Variants in HIP1 observed in about 807,000 individuals in gnomAD.
HIP1 encodes huntingtin-interacting protein 1.
In HIP1, 65 loss-of-function variants were observed where a neutral mutation model predicts 147.6. The ratio of observed to expected loss-of-function variants is 0.44; its 90% confidence interval spans 0.36 to 0.54. The LOEUF (loss-of-function observed/expected upper bound fraction) is 0.54, where lower values mean the gene tolerates loss of function less well. Among genes scored for constraint, HIP1 ranks in the 20% least tolerant of loss-of-function variants. The pLI, the probability that HIP1 is intolerant of heterozygous loss-of-function variation, is 0.00. For missense variants in HIP1, 1,061 were observed against 1,299.6 expected, an observed-to-expected ratio of 0.82 and a Z score of 2.82; for synonymous variants, 479 against 504.0, an observed-to-expected ratio of 0.95 and a Z score of 0.67.
intron 1 of HIP1, chr7:75,611,900 C>T: frequency 2.0e-6 from 2 of 1,009,374 alleles, no homozygotes; most frequent in Non-Finnish European, 2.4e-6. Context: ...CCCTCCCCAG[C>T]ACTCCCCATC....
intron 7 of HIP1, among the ~76,000 whole-genome samples, chr7:75,578,933 A>G (rs1381331468): frequency 6.6e-6 from 1 of 151,906 alleles, no homozygotes; most frequent in Non-Finnish European, 1.5e-5. Flanking sequence ...CTCCTGCCTC[A>G]GCCATCTGAG....
In HIP1 at chr7:75,545,177, G is replaced by A. The variant is rs782010743; in HGVS notation, c.2571C>T (p.Ser857=). The A allele has an allele frequency of 2.5e-6, 4 of 1,606,182 alleles. No individual in the cohort carries two copies. The highest frequency in any genetic ancestry group is 3.4e-6 in the Non-Finnish European group (4 of 1,173,878). ...EIVESGRGTA[S]PKEFYAKNSR... ...AGTTCTTGGCATAAAACTCTTTAGG[G>A]GATGCTGTACCCTAGGGAAATAAAA... Residue 857 remains serine (S), a synonymous_variant, in exon 26 of 31, where the codon TCC becomes TCT. Coordinates refer to ENST00000336926, the MANE Select transcript of HIP1 (RefSeq NM_005338.7).
chr7:75,619,672 A>G (rs1428639884), intron 1 of HIP1, among the ~76,000 whole-genome samples: 3 of 152,174 alleles, frequency 2.0e-5, no homozygotes, highest in Admixed American at 6.6e-5. Context: ...GTGAATTGCC[A>G]CTAAGGCCAA....
chr7:75,563,508 C>T, intron 9 of HIP1: 1 of 519,524 alleles, frequency 1.9e-6, no homozygotes, highest in South Asian at 2.5e-5. Context: ...AGTAGATAAT[C>T]AAAAAGCTAA....
At chr7:75,723,059 T>C (rs1335260368) in intron 1 of HIP1, among the ~76,000 whole-genome samples, 1 of 152,136 alleles carries the variant, frequency 6.6e-6, no homozygotes, top group Non-Finnish European at 1.5e-5. Context: ...TTATCCTGTA[T>C]TCATTTTCTA....
At chr7:75,695,645 G>A (rs1800612014) in intron 1 of HIP1, among the ~76,000 whole-genome samples, 1 of 151,896 alleles carries the variant, frequency 6.6e-6, no homozygotes, top group East Asian at 1.9e-4. Flanking sequence ...CACAATTTTG[G>A]CTCACTGCAA....
At chr7:75,544,321 C>A (rs56151856) in intron 27 of HIP1, among the ~76,000 whole-genome samples, 1 of 152,074 alleles carries the variant, frequency 6.6e-6, no homozygotes, top group African/African-American at 2.4e-5. Flanking sequence ...ACTATCTAAC[C>A]TAGCCAAGTA....
chr7:75,703,371 C>T (rs1407013396), intron 1 of HIP1, among the ~76,000 whole-genome samples: 3 of 151,456 alleles, frequency 2.0e-5, no homozygotes, highest in Admixed American at 6.6e-5. Context: ...AGCCCAGGTG[C>T]GGTGGTTCAT....
intron 1 of HIP1, among the ~76,000 whole-genome samples, chr7:75,700,516 G>C (rs1280315264): frequency 6.6e-6 from 1 of 152,130 alleles, no homozygotes; most frequent in Non-Finnish European, 1.5e-5. Context: ...TCTCCATGAG[G>C]GTGGGATCTG....
Position 75,573,742 on chromosome 7 carries a change from T to A in HIP1, c.745+19A>T. 6.2e-7 allele frequency: 1 copy of A among 1,609,350 alleles called. No individual in the cohort carries two copies. The highest frequency in any genetic ancestry group is 8.5e-7 in the Non-Finnish European group (1 of 1,176,352). On this transcript the variant is annotated intron_variant, in intron 8 of 30. Transcript: ENST00000336926. ...CTGGCCTGAATCTCATGTAAGAAGA[T>A]CTGGCCCGCGGTACTCACAGGAGTG...
intron 1 of HIP1, among the ~76,000 whole-genome samples, chr7:75,683,372 A>G (rs1554517177): frequency 6.6e-6 from 1 of 151,990 alleles, no homozygotes; most frequent in Non-Finnish European, 1.5e-5. Context: ...GTCCCTTGTG[A>G]CCCCAAAAGG....
At chr7:75,720,419 C>T (rs534104077) in intron 1 of HIP1, among the ~76,000 whole-genome samples, 1 of 152,100 alleles carries the variant, frequency 6.6e-6, no homozygotes, top group Non-Finnish European at 1.5e-5. Flanking sequence ...CGTTGGCCTC[C>T]CAAAGTGCTG....
intron 1 of HIP1, among the ~76,000 whole-genome samples, chr7:75,627,440 C>T (rs782710058): frequency 6.6e-6 from 1 of 152,096 alleles, no homozygotes; most frequent in Non-Finnish European, 1.5e-5. Context: ...AAGGCCTTGA[C>T]CACTCTGAAA....
rs1213550755 is a variant in HIP1 at position 75,716,825 on chromosome 7, TA to T, written c.120+21975del. Among the ~76,000 whole-genome samples the T allele has an allele frequency of 1.6e-3, 211 of 134,148 alleles. 2 individuals are homozygous for T. The highest frequency in any genetic ancestry group is 5.5e-3 in the African/African-American group (157 of 28,412). The allele number at this position is 134,148 out of a possible 152,430, so 88.0% of individuals were successfully genotyped here. A position where few individuals can be genotyped will look rare whatever the true frequency, so the allele number is the denominator to read the frequency against. On this transcript the variant is annotated intron_variant, in intron 1 of 30. Coordinates refer to ENST00000336926, the MANE Select transcript of HIP1 (RefSeq NM_005338.7). Reference sequence around the variant, plus strand: ...TAAACCACCACGCCCAGCTTTTTTTTAGGGGGGGGGAAAGGATCTCACTCTG... The same window carrying T: ...TAAACCACCACGCCCAGCTTTTTTTTGGGGGGGGGAAAGGATCTCACTCTG...
At chr7:75,580,600 T>TCC (rs1796003830) in intron 7 of HIP1, among the ~76,000 whole-genome samples, 1 of 152,030 alleles carries the variant, frequency 6.6e-6, no homozygotes. Context: ...ATCAGCCAGA[T>TCC]GTGGTGGTGC....
At chr7:75,613,925 A>T (rs1016962696) in intron 1 of HIP1, among the ~76,000 whole-genome samples, 6 of 141,220 alleles carry the variant, frequency 4.2e-5, no homozygotes, top group Admixed American at 4.2e-4. Context: ...GGGGTTTGCT[A>T]TGTTGCCTAG....
intron 1 of HIP1, among the ~76,000 whole-genome samples, chr7:75,712,871 C>A (rs560515016): frequency 7.2e-5 from 11 of 152,316 alleles, no homozygotes; most frequent in African/African-American, 2.2e-4. Context: ...TTCACTCACT[C>A]ATTCATTCAC....
chr7:75,619,165 GT>G (rs1797761039), intron 1 of HIP1, among the ~76,000 whole-genome samples: 1 of 152,146 alleles, frequency 6.6e-6, no homozygotes, highest in South Asian at 2.1e-4. Flanking sequence ...CCATGGCACT[GT>G]TAATTCAGGT....
intron 4 of HIP1, among the ~76,000 whole-genome samples, chr7:75,590,555 C>T (rs1796467640): frequency 6.6e-6 from 1 of 151,928 alleles, no homozygotes; most frequent in Admixed American, 6.6e-5. Flanking sequence ...TACCACGTAG[C>T]ATAATAAATG....
Sources: allele counts gnomAD v4.1 joint callset (sites outside exome capture counted in the v4.1 genomes callset), GRCh38; gene constraint gnomAD v4.1.1; transcripts MANE v1.5; gene names NCBI Gene and HGNC (gene_info 2026-07-23, HGNC 2026-07-21).